The following NRG3 variants were observed in gnomAD, a reference collection of about 807,000 sequenced individuals.
NRG3 encodes neuregulin 3, also known as pro-neuregulin-3, membrane-bound isoform.
A neutral mutation model predicts 66.9 loss-of-function variants in NRG3; 31 were observed. The ratio of observed to expected loss-of-function variants is 0.46; its 90% confidence interval spans 0.35 to 0.63. The LOEUF is 0.63. NRG3 is among the 20% of genes least tolerant of loss of function. The pLI is 0.00. For missense variants in NRG3, 910 were observed against 878.9 expected (o/e 1.04, Z -0.45); for synonymous variants, 393 against 359.4 (o/e 1.09, Z -1.06).
intron 1 of NRG3, among the ~76,000 whole-genome samples, chr10:82,324,777 T>G (rs2081773779): frequency 6.6e-6 from 1 of 152,238 alleles, no homozygotes; most frequent in Admixed American, 6.5e-5. Flanking sequence ...GCACATGCAT[T>G]GTATGAGTTG....
chr10:82,458,009 C>CGTGGT (rs2091349951), intron 2 of NRG3, among the ~76,000 whole-genome samples: 1 of 152,136 alleles, frequency 6.6e-6, no homozygotes, highest in South Asian at 2.1e-4. Context: ...AGGCACAGAC[C>CGTGGT]GTGGTGTGTG....
chr10:82,909,495 A>T (rs1372736646), intron 4 of NRG3, among the ~76,000 whole-genome samples: 1 of 151,960 alleles, frequency 6.6e-6, no homozygotes, highest in African/African-American at 2.4e-5. Flanking sequence ...TTATTCAGTG[A>T]CCCCAAGGGG....
chr10:82,903,121 G>T (rs991504046), intron 4 of NRG3, among the ~76,000 whole-genome samples: 15 of 152,068 alleles, frequency 9.9e-5, no homozygotes, highest in Admixed American at 7.2e-4. Context: ...GGCATCATTT[G>T]CAGTCAAGAG....
intron 3 of NRG3, 91 bp from the exon 4 acceptor site, chr10:82,865,320 G>T: frequency 1.5e-6 from 2 of 1,344,384 alleles, no homozygotes; most frequent in Non-Finnish European, 2.1e-6. Flanking sequence ...TGGAGGGTTA[G>T]TCTTATGAGC....
intron 2 of NRG3, among the ~76,000 whole-genome samples, chr10:82,445,488 C>G (rs746182393): frequency 5.9e-5 from 9 of 152,096 alleles, no homozygotes; most frequent in Non-Finnish European, 1.3e-4. Context: ...AATAAGCATG[C>G]CTTCTTAGGG....
At position 82,132,516 on chromosome 10, in the gene NRG3, G is replaced by GATAT. The variant is rs1318095947; in HGVS notation, c.824-226218_824-226215dup. Among the ~76,000 whole-genome samples, 9 of 11,842 alleles carry GATAT rather than the reference G, an allele frequency of 7.6e-4. 2 individuals are homozygous for GATAT. Among genetic ancestry groups the GATAT allele is most frequent in the Non-Finnish European group, 1.2e-3 (6 of 4,956 alleles). The allele number at this position is 11,842 out of a possible 152,430, so 7.8% of individuals were successfully genotyped here. ...TGATATATATATATCATATATATAT[G>GATAT]ATATATATGATATATATATGATATA... is the stretch of plus-strand genomic sequence containing the variant. On this transcript the variant is annotated intron_variant, in intron 1 of 8. Transcript: ENST00000372141.
intron 1 of NRG3, among the ~76,000 whole-genome samples, chr10:82,281,547 T>G (rs2079120430): frequency 3.9e-5 from 6 of 152,124 alleles, no homozygotes. Flanking sequence ...TGGAACTGAC[T>G]CCAGGGACTC....
At chr10:81,967,053 A>G (rs1167833248) in intron 1 of NRG3, among the ~76,000 whole-genome samples, 1 of 151,838 alleles carries the variant, frequency 6.6e-6, no homozygotes, top group Non-Finnish European at 1.5e-5. Context: ...TATTTTATAC[A>G]CTTAAGGTTT....
chr10:82,418,705 A>G (rs1487608098), intron 2 of NRG3, among the ~76,000 whole-genome samples: 1 of 152,234 alleles, frequency 6.6e-6, no homozygotes, highest in Non-Finnish European at 1.5e-5. Context: ...GGCTCAAGCA[A>G]TCCTGCCTCC....
At chr10:82,086,182 A>C (rs2065716183) in intron 1 of NRG3, among the ~76,000 whole-genome samples, 1 of 152,138 alleles carries the variant, frequency 6.6e-6, no homozygotes, top group African/African-American at 2.4e-5. Context: ...GTGTGACAGT[A>C]ATAGAATTGG....
chr10:82,706,340 T>C (rs2056285261), intron 2 of NRG3, among the ~76,000 whole-genome samples: 1 of 152,182 alleles, frequency 6.6e-6, no homozygotes. Context: ...ATTTTGGGAT[T>C]TGAAATCTTT....
intron 4 of NRG3, among the ~76,000 whole-genome samples, chr10:82,868,444 A>G (rs1840976557): frequency 6.6e-6 from 1 of 152,258 alleles, no homozygotes; most frequent in Admixed American, 6.5e-5. Context: ...GTGGGTGACT[A>G]TTTGACTCCA....
rs2084783231 is a variant in NRG3, at chr10:82,370,106, G to T, written c.953+11238G>T. On this transcript the variant is annotated intron_variant, in intron 2 of 8. Transcript: ENST00000372141. Reference sequence around the variant, plus strand: ...CTGCAGATGGCTTGAGTGTTAATCAGCTCAGTGGACCCTCTGCTTTATCGC... The same window carrying T: ...CTGCAGATGGCTTGAGTGTTAATCATCTCAGTGGACCCTCTGCTTTATCGC... Among the ~76,000 whole-genome samples the T allele has an allele frequency of 1.4e-5, 2 of 138,976 alleles. 1 individual carries two copies. The highest frequency in any genetic ancestry group is 1.4e-4 in the Admixed American group (2 of 14,772). The allele number at this position is 138,976 out of a possible 152,430, so 91.2% of individuals were successfully genotyped here. A position where few individuals can be genotyped will look rare whatever the true frequency, so the allele number is the denominator to read the frequency against.
intron 1 of NRG3, among the ~76,000 whole-genome samples, chr10:81,998,556 A>G (rs1237537371): frequency 6.6e-6 from 1 of 152,144 alleles, no homozygotes; most frequent in African/African-American, 2.4e-5. Context: ...AACACTTCTC[A>G]GTCACAATGT....
At chr10:82,548,287 T>C (rs1482034617) in intron 2 of NRG3, among the ~76,000 whole-genome samples, 1 of 152,098 alleles carries the variant, frequency 6.6e-6, no homozygotes, top group Admixed American at 6.6e-5. Context: ...TATAAATTTC[T>C]AGCCACAACA....
intron 2 of NRG3, among the ~76,000 whole-genome samples, chr10:82,620,594 A>G (rs1291810685): frequency 5.9e-5 from 9 of 152,180 alleles, no homozygotes; most frequent in Non-Finnish European, 1.3e-4. Flanking sequence ...TATAGGGCAC[A>G]GGATGTGGGG....
At chr10:82,813,136 T>G (rs535472241) in intron 3 of NRG3, among the ~76,000 whole-genome samples, 29 of 152,268 alleles carry the variant, frequency 1.9e-4, no homozygotes, top group African/African-American at 7.0e-4. Context: ...GTATGAGTGT[T>G]TTGATGAGTT....
chr10:82,114,963 T>C (rs996113500), intron 1 of NRG3, among the ~76,000 whole-genome samples: 1 of 152,176 alleles, frequency 6.6e-6, no homozygotes, highest in Admixed American at 6.6e-5. Flanking sequence ...GTCTGTCTTC[T>C]CAATCGCTCA....
chr10:82,965,597 G>T (rs564948867), intron 6 of NRG3, among the ~76,000 whole-genome samples: 1 of 152,178 alleles, frequency 6.6e-6, no homozygotes, highest in Non-Finnish European at 1.5e-5. Context: ...TTAGCCGGGC[G>T]TGGTGGTGGG....
Sources: allele counts gnomAD v4.1 joint callset (sites outside exome capture counted in the v4.1 genomes callset), GRCh38; gene constraint gnomAD v4.1.1; transcripts MANE v1.5; gene names NCBI Gene and HGNC (gene_info 2026-07-23, HGNC 2026-07-21).